Variants in CACNG2 observed in about 807,000 individuals in gnomAD.
CACNG2 encodes voltage-dependent calcium channel gamma-2 subunit.
In CACNG2, 3 loss-of-function variants were observed where a neutral mutation model predicts 25.9. The observed-to-expected ratio is 0.12, with a 90% confidence interval of 0.05 to 0.30. The LOEUF is 0.30. Ranked by LOEUF, CACNG2 falls within the 10% of genes least tolerant of loss-of-function variation. The pLI is 1.00. For missense variants in CACNG2, 341 were observed against 432.5 expected, an observed-to-expected ratio of 0.79 and a Z score of 1.88; for synonymous variants, 167 against 173.3, an observed-to-expected ratio of 0.96 and a Z score of 0.29.
chr22:36,637,297 G>A (rs2145963305), intron 1 of CACNG2, among the ~76,000 whole-genome samples: 1 of 152,188 alleles, frequency 6.6e-6, no homozygotes, highest in African/African-American at 2.4e-5. Context: ...GTGCCTGAAG[G>A]TGCCCAGGGA....
At chr22:36,685,840 G>C (rs932544510) in intron 1 of CACNG2, among the ~76,000 whole-genome samples, 1 of 152,154 alleles carries the variant, frequency 6.6e-6, no homozygotes, top group Non-Finnish European at 1.5e-5. Flanking sequence ...TTCTTATTTT[G>C]TTCATTATTA....
chr22:36,645,536 CAAA>C (rs200600420), intron 1 of CACNG2, among the ~76,000 whole-genome samples: 11 of 134,856 alleles, frequency 8.2e-5, no homozygotes, highest in South Asian at 7.3e-4. Flanking sequence ...GACTCTGTCT[CAAA>C]AAAAAAAAAA....
intron 1 of CACNG2, among the ~76,000 whole-genome samples, chr22:36,612,178 A>G (rs1341922405): frequency 6.6e-6 from 1 of 152,212 alleles, no homozygotes; most frequent in Non-Finnish European, 1.5e-5. Context: ...CAGGGCTGCC[A>G]CTTACTAGCC....
intron 1 of CACNG2, among the ~76,000 whole-genome samples, chr22:36,663,346 T>G (rs113650283): frequency 1.4e-4 from 22 of 152,286 alleles, no homozygotes; most frequent in African/African-American, 4.8e-4. Context: ...CAAGGGGTAC[T>G]TCGAGGAAAG....
chr22:36,666,499 A>G (rs1936876473), intron 1 of CACNG2, among the ~76,000 whole-genome samples: 2 of 152,146 alleles, frequency 1.3e-5, no homozygotes, highest in Non-Finnish European at 2.9e-5. Context: ...ATGCAGAAGC[A>G]TGGTTGCCAG....
chr22:36,696,944 A>G (rs112962338), intron 1 of CACNG2, among the ~76,000 whole-genome samples: 4 of 152,194 alleles, frequency 2.6e-5, no homozygotes, highest in Non-Finnish European at 5.9e-5. Context: ...AAGTGAACCC[A>G]GGTCTGTGTG....
At chr22:36,632,867 C>A (rs1936297301) in intron 1 of CACNG2, among the ~76,000 whole-genome samples, 1 of 151,994 alleles carries the variant, frequency 6.6e-6, no homozygotes, top group South Asian at 2.1e-4. Context: ...TATCTCAGCC[C>A]AAGTGAAGCC....
chr22:36,578,095 C>G (rs1935355618), intron 2 of CACNG2, among the ~76,000 whole-genome samples: 1 of 151,900 alleles, frequency 6.6e-6, no homozygotes. Flanking sequence ...GGTGCGGTAG[C>G]TCACACCTGT....
intron 1 of CACNG2, among the ~76,000 whole-genome samples, chr22:36,607,946 T>C (rs1427647300): frequency 6.6e-6 from 1 of 152,176 alleles, no homozygotes; most frequent in East Asian, 1.9e-4. Context: ...AATGTACAGG[T>C]AGACCCGAGA....
At chr22:36,685,306 C>T (rs1937181150) in intron 1 of CACNG2, among the ~76,000 whole-genome samples, 2 of 152,164 alleles carry the variant, frequency 1.3e-5, no homozygotes, top group Admixed American at 1.3e-4. Flanking sequence ...CCCGCCCGCG[C>T]CCAGGCAGCT....
intron 2 of CACNG2, among the ~76,000 whole-genome samples, chr22:36,580,809 C>T (rs1043409042): frequency 6.6e-6 from 1 of 152,104 alleles, no homozygotes; most frequent in Non-Finnish European, 1.5e-5. Flanking sequence ...AATAGGACAG[C>T]TAGGAAATGT....
chr22:36,639,936 A>C (rs1201347792), intron 1 of CACNG2, among the ~76,000 whole-genome samples: 1 of 152,166 alleles, frequency 6.6e-6, no homozygotes, highest in Non-Finnish European at 1.5e-5. Flanking sequence ...TAGCCCCCAC[A>C]GGGACACTCT....
At chr22:36,622,234 G>A (rs1337933196) in intron 1 of CACNG2, among the ~76,000 whole-genome samples, 1 of 152,256 alleles carries the variant, frequency 6.6e-6, no homozygotes, top group Non-Finnish European at 1.5e-5. Flanking sequence ...ACAAGCTAGT[G>A]TGGCACAATA....
At chr22:36,611,857 G>T (rs1246870178) in intron 1 of CACNG2, among the ~76,000 whole-genome samples, 1 of 152,224 alleles carries the variant, frequency 6.6e-6, no homozygotes, top group Admixed American at 6.5e-5. Context: ...GGACAAGGGA[G>T]TAGAGACCTG....
intron 1 of CACNG2, among the ~76,000 whole-genome samples, chr22:36,676,304 C>T (rs553687543): frequency 3.1e-4 from 47 of 152,288 alleles, no homozygotes; most frequent in African/African-American, 1.0e-3. Flanking sequence ...TGAATCTTAG[C>T]GGTGGCAGAA....
chr22:36,644,280 T>C (rs552815868), intron 1 of CACNG2, among the ~76,000 whole-genome samples: 5 of 152,304 alleles, frequency 3.3e-5, no homozygotes, highest in South Asian at 2.1e-4. Context: ...TCTGTCATCA[T>C]AAAAGCATGA....
At chr22:36,617,290 T>C (rs1360056541) in intron 1 of CACNG2, among the ~76,000 whole-genome samples, 1 of 152,216 alleles carries the variant, frequency 6.6e-6, no homozygotes, top group African/African-American at 2.4e-5. Flanking sequence ...TTTTTAAAAA[T>C]CCATTACAGA....
chr22:36,648,665 A>G (rs920643801), intron 1 of CACNG2, among the ~76,000 whole-genome samples: 2 of 152,062 alleles, frequency 1.3e-5, no homozygotes. Context: ...TTACTCAACA[A>G]ATATTTCTTT....
chr22:36,624,854 CCT>C (rs1431567646), intron 1 of CACNG2, among the ~76,000 whole-genome samples: 1 of 151,736 alleles, frequency 6.6e-6, no homozygotes, highest in Non-Finnish European at 1.5e-5. Flanking sequence ...ATGGTGAAAC[CCT>C]GTCTCTACTA....
Sources: allele counts gnomAD v4.1 joint callset (sites outside exome capture counted in the v4.1 genomes callset), GRCh38; gene constraint gnomAD v4.1.1; transcripts MANE v1.5; gene names NCBI Gene and HGNC (gene_info 2026-07-23, HGNC 2026-07-21).